Variants in GRK5 observed in about 807,000 individuals in gnomAD.
GRK5 encodes the protein G protein-coupled receptor kinase 5.
A neutral mutation model predicts 78.4 loss-of-function variants in GRK5; 40 were observed. The observed-to-expected ratio is 0.51, with a 90% CI of 0.40 to 0.66. GRK5 has a LOEUF of 0.66. Among genes scored for constraint, GRK5 ranks in the 30% least tolerant of loss-of-function variants. GRK5 has a pLI of 0.00. For synonymous variants in GRK5, 289 were observed against 296.8 expected (o/e 0.97, Z 0.27); for missense variants, 598 against 759.9 (o/e 0.79, Z 2.50).
Position 119,238,276 on chromosome 10 carries a change from C to T in GRK5, c.52+30307C>T, listed in dbSNP as rs761150458. On this transcript the variant is annotated intron_variant, in intron 1 of 15. Transcript: ENST00000392870. The surrounding 1 kb of genome is among the most constrained non-coding windows in gnomAD (Gnocchi z 4.7). ...TCCTGGGTGGAGGGTGGACGGGAAG[C>T]GGGGGGCCTTCTGCTGAAGATCTCA... 3.9e-5 allele frequency among the ~76,000 whole-genome samples: 6 copies of T among 152,006 alleles called. No homozygotes were observed. Among genetic ancestry groups the T allele is most frequent in the East Asian group, 1.9e-4 (1 of 5,178 alleles).
In GRK5 at chr10:119,379,479, T is replaced by G. The variant is rs1200802596; in HGVS notation, c.149-1336T>G. Among the ~76,000 whole-genome samples, 1 of 152,234 alleles carries G rather than the reference T, an allele frequency of 6.6e-6. No homozygotes were observed. Among genetic ancestry groups the G allele is most frequent in the African/African-American group, 2.4e-5 (1 of 41,460 alleles). ...TGTGCCAGCGCAGTGGTTGTGTTCATATCCCCTTGTTGCCTGGCGTATCTC... is the reference window on the plus strand; with the variant it reads ...TGTGCCAGCGCAGTGGTTGTGTTCAGATCCCCTTGTTGCCTGGCGTATCTC... On this transcript the variant is annotated intron_variant, in intron 2 of 15. Transcript: ENST00000392870. The surrounding 1 kb of genome is among the most constrained non-coding windows in gnomAD (Gnocchi z 4.1).
At position 119,445,953 on chromosome 10, in the gene GRK5, A is replaced by G. The variant is rs768733487; in HGVS notation, c.1267-2170A>G. Among the ~76,000 whole-genome samples the G allele has an allele frequency of 1.3e-4, 19 of 151,110 alleles. No homozygotes were observed. The highest frequency in any genetic ancestry group is 5.9e-5 in the Non-Finnish European group (4 of 67,792). On this transcript the variant is annotated intron_variant, in intron 12 of 15. Transcript: ENST00000392870. The surrounding 1 kb of genome is among the most constrained non-coding windows in gnomAD (Gnocchi z 4.1). ...TGGAGCCCAGAAATTCACACATCTC[A>G]CCACTTTGTCTCCTGAGCCCAGTCC...
chr10:119,401,968 C>T (rs570786182), intron 4 of GRK5, among the ~76,000 whole-genome samples: 1 of 152,346 alleles, frequency 6.6e-6, no homozygotes, highest in Admixed American at 6.5e-5. Flanking sequence ...TGGGTCCTCC[C>T]TGGGTGACTC....
chr10:119,283,118 A>G (rs915569901), intron 1 of GRK5, among the ~76,000 whole-genome samples: 43 of 152,134 alleles, frequency 2.8e-4, no homozygotes, highest in African/African-American at 9.2e-4. Flanking sequence ...AGAAAGCTAT[A>G]AATATTAATA....
intron 1 of GRK5, among the ~76,000 whole-genome samples, chr10:119,292,328 TCTC>T (rs934275992): frequency 2.9e-4 from 43 of 149,128 alleles, no homozygotes; most frequent in African/African-American, 8.1e-4. Context: ...TATTCCTCCT[TCTC>T]CTCCTCATCC....
chr10:119,322,436 G>C (rs542159247), intron 1 of GRK5, among the ~76,000 whole-genome samples: 3 of 152,348 alleles, frequency 2.0e-5, no homozygotes, highest in African/African-American at 7.2e-5. Context: ...CCGTCGCTGG[G>C]GTTGGGAACC....
At chr10:119,270,175 C>A (rs944048312) in intron 1 of GRK5, among the ~76,000 whole-genome samples, 1 of 152,368 alleles carries the variant, frequency 6.6e-6, no homozygotes, top group Non-Finnish European at 1.5e-5. Context: ...ACTGCCAGCC[C>A]TGCCATTCTT....
rs1336231210 is a variant in GRK5 at position 119,418,025 on chromosome 10, TAAG to T, written c.340-5137_340-5135del. ...AGTCTGGGCCATAGGGAAGAGGTGG[TAAG>T]AAGGAGTGAGTCATCGGGGGTCCCG... On this transcript the variant is annotated intron_variant, in intron 4 of 15. Transcript: ENST00000392870. 2.0e-5 allele frequency among the ~76,000 whole-genome samples: 3 copies of T among 152,126 alleles called. No individual in the cohort carries two copies. In the East Asian group the frequency reaches 5.8e-4, roughly 30 times the overall value.
chr10:119,231,006 G>A (rs1848819300), intron 1 of GRK5, among the ~76,000 whole-genome samples: 1 of 151,936 alleles, frequency 6.6e-6, no homozygotes, highest in Admixed American at 6.6e-5. Flanking sequence ...AGGGAGAGGG[G>A]TGGGTTGGAG....
In GRK5 at chr10:119,225,672, T is replaced by C. The variant is rs11198830; in HGVS notation, c.52+17703T>C. Among the ~76,000 whole-genome samples the C allele has an allele frequency of 7.6e-3, 82 of 10,778 alleles. 2 individuals carry two copies. The highest frequency in any genetic ancestry group is 8.7e-3 in the South Asian group (3 of 346). The allele number at this position is 10,778 out of a possible 152,430, so 7.1% of individuals were successfully genotyped here. On this transcript the variant is annotated intron_variant, in intron 1 of 15. Transcript: ENST00000392870. ...TGCTGATTTTCTTCTCTCTCTCTCTTTTTTTTTTTTTTTTTTGAGATAGAG... is the reference window on the plus strand; with the variant it reads ...TGCTGATTTTCTTCTCTCTCTCTCTCTTTTTTTTTTTTTTTTGAGATAGAG...
At chr10:119,247,443 T>G (rs7903013) in intron 1 of GRK5, among the ~76,000 whole-genome samples, 28,663 of 152,156 alleles carry the variant, frequency 0.19, 3,248 homozygotes, top group African/African-American at 0.31. Context: ...AAAGTTTATG[T>G]AGTCAGGAAA....
chr10:119,409,741 C>T (rs1019207766), intron 4 of GRK5, among the ~76,000 whole-genome samples: 2 of 152,174 alleles, frequency 1.3e-5, no homozygotes, highest in South Asian at 2.1e-4. Flanking sequence ...TTTTGCAGCC[C>T]GAAGGGATGA....
intron 1 of GRK5, among the ~76,000 whole-genome samples, chr10:119,248,253 T>C (rs1019509493): frequency 1.3e-5 from 2 of 152,128 alleles, no homozygotes; most frequent in African/African-American, 4.8e-5. Flanking sequence ...GCTCAAGCAA[T>C]CCTCCTGCCT....
At position 119,208,052 on chromosome 10, in the gene GRK5, C is replaced by A. The variant is rs1465739464; in HGVS notation, c.52+83C>A. ...TCGGGTGGCGTGCGGGCTGGGGCTG[C>A]GCCCGTGCAGGATGCCCGCTGCCGG... On this transcript the variant is annotated intron_variant, in intron 1 of 15. Coordinates refer to ENST00000392870, the MANE Select transcript of GRK5 (RefSeq NM_005308.3). 2.9e-6 allele frequency: 4 copies of A among 1,364,268 alleles called. No homozygotes were observed. In the Admixed American group the frequency reaches 6.8e-5, roughly 23 times the overall value. 84.5% of individuals were successfully genotyped at this position (1,364,268 alleles called of 1,614,324 possible).
At chr10:119,266,163 C>T (rs894736689) in intron 1 of GRK5, among the ~76,000 whole-genome samples, 4 of 152,114 alleles carry the variant, frequency 2.6e-5, no homozygotes, top group East Asian at 1.9e-4. Flanking sequence ...ATTTTAGGAA[C>T]GATGCTGGCT....
At chr10:119,306,606 T>C (rs1443554407) in intron 1 of GRK5, among the ~76,000 whole-genome samples, 1 of 152,136 alleles carries the variant, frequency 6.6e-6, no homozygotes, top group East Asian at 1.9e-4. Context: ...CACCTTCTCT[T>C]GGCCCCGAAT....
At position 119,333,005 on chromosome 10, in the gene GRK5, G is replaced by A. The variant is rs1314674153; in HGVS notation, c.148+6394G>A. ...CTTTTCGTTTACTTGTGTATTTTCTGTCTCCCACACTGTACTAGATGTTCT... is the reference window on the plus strand; with the variant it reads ...CTTTTCGTTTACTTGTGTATTTTCTATCTCCCACACTGTACTAGATGTTCT... On this transcript the variant is annotated intron_variant, in intron 2 of 15. Transcript: ENST00000392870. Among the ~76,000 whole-genome samples the A allele has an allele frequency of 2.0e-5, 3 of 152,072 alleles. No homozygotes were observed. The East Asian group carries it at 5.8e-4, about 29-fold the overall frequency.
intron 1 of GRK5, among the ~76,000 whole-genome samples, chr10:119,290,357 A>C (rs929896491): frequency 5.5e-5 from 8 of 145,406 alleles, no homozygotes; most frequent in South Asian, 2.3e-4. Flanking sequence ...AAAAAAAAAA[A>C]AAAAAACAAA....
At chr10:119,396,235 A>G (rs755962365) in intron 3 of GRK5, among the ~76,000 whole-genome samples, 10 of 152,242 alleles carry the variant, frequency 6.6e-5, no homozygotes, top group East Asian at 1.9e-4. Context: ...ACGATCACAC[A>G]GCTTACAAGG....
Sources: gnomAD v4.1 joint callset for allele counts (sites outside exome capture counted in the v4.1 genomes callset) on GRCh38, gnomAD v4.1.1 for gene constraint, Gnocchi (gnomAD v3.1) non-coding constraint, MANE v1.5 for transcripts, NCBI Gene and HGNC (gene_info 2026-07-23, HGNC 2026-07-21) for gene names.